Variants in ENTREP2 observed in about 807,000 individuals in gnomAD.
The protein encoded by ENTREP2 is protein ENTREP2.
chr15:29,269,866 G>A, the ENTREP2 span: 5 of 690,434 alleles, frequency 7.2e-6, no homozygotes. Flanking sequence ...AGGGCGGCTG[G>A]GCGGTGCGCC....
the ENTREP2 span, among the ~76,000 whole-genome samples, chr15:29,129,932 A>C: frequency 6.6e-6 from 1 of 152,332 alleles, no homozygotes; most frequent in South Asian, 2.1e-4. Flanking sequence ...ATACACTTGC[A>C]AATAATGAGC....
the ENTREP2 span, among the ~76,000 whole-genome samples, chr15:29,415,348 A>G: frequency 6.6e-6 from 1 of 152,288 alleles, no homozygotes; most frequent in South Asian, 2.1e-4. Flanking sequence ...TGGTTCAACA[A>G]GTGAAAATCA....
chr15:29,194,916 T>A, the ENTREP2 span, among the ~76,000 whole-genome samples: 2 of 152,040 alleles, frequency 1.3e-5, no homozygotes, highest in African/African-American at 2.4e-5. Context: ...ATCCCCATAC[T>A]CAAGAAAACA....
the ENTREP2 span, among the ~76,000 whole-genome samples, chr15:29,170,270 T>C: frequency 7.9e-6 from 1 of 125,906 alleles, no homozygotes; most frequent in Non-Finnish European, 1.5e-5. Context: ...ATCGTGCCAC[T>C]GCACTCCAGC....
the ENTREP2 span, among the ~76,000 whole-genome samples, chr15:29,217,112 G>A: frequency 6.6e-6 from 1 of 152,200 alleles, no homozygotes; most frequent in Non-Finnish European, 1.5e-5. Context: ...GGGGCTTTAA[G>A]ACAATTACAA....
chr15:29,151,749 G>A, the ENTREP2 span: 11 of 1,551,694 alleles, frequency 7.1e-6, no homozygotes, highest in African/African-American at 2.7e-5. Context: ...GCAGGACATC[G>A]GAGGAGACCA....
the ENTREP2 span, among the ~76,000 whole-genome samples, chr15:29,631,947 G>C: frequency 1.3e-5 from 2 of 152,164 alleles, no homozygotes; most frequent in Non-Finnish European, 2.9e-5. Flanking sequence ...ACTCTCCTTT[G>C]AGACTTCACT....
At chr15:29,454,330 T>A in the ENTREP2 span, among the ~76,000 whole-genome samples, 1 of 152,218 alleles carries the variant, frequency 6.6e-6, no homozygotes, top group Non-Finnish European at 1.5e-5. Flanking sequence ...ATAATAGGGA[T>A]GGATTGGCAG....
chr15:29,335,272 G>A, the ENTREP2 span, among the ~76,000 whole-genome samples: 1 of 152,184 alleles, frequency 6.6e-6, no homozygotes, highest in Non-Finnish European at 1.5e-5. Flanking sequence ...TTTATCCGGA[G>A]GCTACGGTGT....
chr15:29,124,525 C>A, the ENTREP2 span, among the ~76,000 whole-genome samples: 3 of 152,048 alleles, frequency 2.0e-5, no homozygotes, highest in South Asian at 6.2e-4. Flanking sequence ...CACCGAGAGA[C>A]AAAGGAAGAG....
the ENTREP2 span, among the ~76,000 whole-genome samples, chr15:29,539,336 C>A: frequency 6.6e-6 from 1 of 152,118 alleles, no homozygotes; most frequent in Non-Finnish European, 1.5e-5. Context: ...AAGGATCACA[C>A]TCTGAAACCC....
chr15:29,365,062 T>C, the ENTREP2 span, among the ~76,000 whole-genome samples: 2 of 152,212 alleles, frequency 1.3e-5, no homozygotes, highest in East Asian at 1.9e-4. Flanking sequence ...TCCTCTGTGT[T>C]CCACCTCTTC....
the ENTREP2 span, among the ~76,000 whole-genome samples, chr15:29,648,338 G>T: frequency 6.6e-6 from 1 of 152,122 alleles, no homozygotes; most frequent in Non-Finnish European, 1.5e-5. Flanking sequence ...TAACTCCATG[G>T]GTTGCCCAGG....
the ENTREP2 span, chr15:29,381,705 TCCA>T: frequency 3.7e-6 from 5 of 1,351,990 alleles, no homozygotes; most frequent in Non-Finnish European, 5.1e-6. Flanking sequence ...CGCCACTGCC[TCCA>T]ACCTGCTCAC....
chr15:29,508,398 A>G, the ENTREP2 span, among the ~76,000 whole-genome samples: 1 of 152,226 alleles, frequency 6.6e-6, no homozygotes, highest in African/African-American at 2.4e-5. Flanking sequence ...AACTCATTTT[A>G]TGAGGCCAGC....
At chr15:29,570,436 C>T in the ENTREP2 span, 2 of 1,057,428 alleles carry the variant, frequency 1.9e-6, no homozygotes, top group African/African-American at 1.7e-5. Context: ...GTCCCGGCGG[C>T]CGCAGCGCCT....
the ENTREP2 span, among the ~76,000 whole-genome samples, chr15:29,131,213 G>T: frequency 6.6e-6 from 1 of 151,196 alleles, no homozygotes; most frequent in African/African-American, 2.5e-5. Flanking sequence ...TATGGAAAAT[G>T]TGAGTTAAAA....
At chr15:29,160,745 G>A in the ENTREP2 span, among the ~76,000 whole-genome samples, 2 of 147,008 alleles carry the variant, frequency 1.4e-5, no homozygotes, top group Non-Finnish European at 3.0e-5. Flanking sequence ...TCAGGACGTT[G>A]ATACCTTTGC....
the ENTREP2 span, chr15:29,269,806 C>T: frequency 8.6e-7 from 1 of 1,163,330 alleles, no homozygotes; most frequent in South Asian, 1.8e-5. Context: ...GAGGCGCGCG[C>T]AGTGTCGGCT....
Sources: allele counts gnomAD v4.1 joint callset (sites outside exome capture counted in the v4.1 genomes callset), GRCh38; gene constraint gnomAD v4.1.1; transcripts MANE v1.5; gene names NCBI Gene and HGNC (gene_info 2026-07-23, HGNC 2026-07-21).